NRXN1: variants seen among roughly 807,000 people sequenced by gnomAD.
The protein encoded by NRXN1 is neurexin 1, also known as neurexin-1.
NRXN1 carries 39 observed loss-of-function variants against 150.9 expected under a neutral mutation model. The ratio of observed to expected loss-of-function variants is 0.26; its 90% CI spans 0.20 to 0.34. NRXN1 has a LOEUF of 0.34. Ranked by LOEUF, NRXN1 falls within the 10% of genes least tolerant of loss-of-function variation. The probability of loss-of-function intolerance (pLI) is 1.00; values close to 1 mark genes in which losing one functional copy is unlikely to be tolerated. For missense variants in NRXN1, 1,815 were observed against 1,949.9 expected (o/e 0.93, Z 1.30); for synonymous variants, 924 against 757.0 (o/e 1.22, Z -3.62).
intron 5 of NRXN1, among the ~76,000 whole-genome samples, chr2:50,655,528 C>T (rs762007133): frequency 7.2e-5 from 11 of 151,966 alleles, no homozygotes; most frequent in Non-Finnish European, 1.6e-4. Flanking sequence ...ACAAAGTGAA[C>T]CGAAAGTTTT....
At chr2:50,119,201 T>A (rs963276878) in intron 18 of NRXN1, among the ~76,000 whole-genome samples, 1 of 152,332 alleles carries the variant, frequency 6.6e-6, no homozygotes, top group South Asian at 2.1e-4. Flanking sequence ...TTTGCCAGAA[T>A]GTCTTACCAT....
intron 5 of NRXN1, among the ~76,000 whole-genome samples, chr2:50,794,195 C>A (rs1211451923): frequency 3.3e-5 from 5 of 152,042 alleles, no homozygotes; most frequent in Non-Finnish European, 7.4e-5. Context: ...TTACATCCGA[C>A]TGAAACAGGC....
chr2:49,989,002 C>T (rs896688243), intron 21 of NRXN1, among the ~76,000 whole-genome samples: 4 of 152,286 alleles, frequency 2.6e-5, no homozygotes, highest in Admixed American at 6.5e-5. Flanking sequence ...TTGCCCAGCA[C>T]AATGTGGCAG....
intron 17 of NRXN1, among the ~76,000 whole-genome samples, chr2:50,258,363 G>A (rs1559187190): frequency 6.6e-6 from 1 of 151,960 alleles, no homozygotes; most frequent in Admixed American, 6.6e-5. Flanking sequence ...ATCTTCATCA[G>A]GAGTACATTT....
chr2:50,809,388 A>G (rs1449881395), intron 5 of NRXN1, among the ~76,000 whole-genome samples: 1 of 152,156 alleles, frequency 6.6e-6, no homozygotes, highest in African/African-American at 2.4e-5. Context: ...TTAAAGATTT[A>G]GCATCATATG....
chr2:50,578,581 T>C (rs1295145034), intron 8 of NRXN1, among the ~76,000 whole-genome samples: 1 of 152,192 alleles, frequency 6.6e-6, no homozygotes, highest in Non-Finnish European at 1.5e-5. Flanking sequence ...TTCAGATCCT[T>C]TACTTTTATA....
At chr2:50,826,099 T>C (rs988534833) in intron 5 of NRXN1, among the ~76,000 whole-genome samples, 1 of 152,146 alleles carries the variant, frequency 6.6e-6, no homozygotes, top group Non-Finnish European at 1.5e-5. Context: ...TGATCCATGA[T>C]TGGAGCTGTA....
intron 21 of NRXN1, among the ~76,000 whole-genome samples, chr2:49,970,788 A>G (rs1677812273): frequency 6.6e-6 from 1 of 152,154 alleles, no homozygotes; most frequent in African/African-American, 2.4e-5. Flanking sequence ...TATGTCTTTA[A>G]TAATCTCAAG....
intron 5 of NRXN1, among the ~76,000 whole-genome samples, chr2:50,649,324 G>A (rs1331787517): frequency 7.4e-5 from 11 of 149,048 alleles, no homozygotes; most frequent in African/African-American, 2.5e-4. Flanking sequence ...TACTGAATAC[G>A]CCAGAGCTGT....
chr2:50,396,964 G>A (rs147167675), intron 17 of NRXN1, among the ~76,000 whole-genome samples: 31 of 152,266 alleles, frequency 2.0e-4, no homozygotes, highest in African/African-American at 7.5e-4. Flanking sequence ...GAAACCTAGA[G>A]AGGAGAAGGG....
At chr2:50,594,471 A>C (rs888807603) in intron 8 of NRXN1, among the ~76,000 whole-genome samples, 1 of 152,164 alleles carries the variant, frequency 6.6e-6, no homozygotes, top group African/African-American at 2.4e-5. Context: ...TCATAGAGGA[A>C]GTCATTTGCT....
chr2:50,599,575 T>G (rs1675900723), intron 8 of NRXN1, among the ~76,000 whole-genome samples: 1 of 152,196 alleles, frequency 6.6e-6, no homozygotes, highest in Admixed American at 6.5e-5. Flanking sequence ...GAAAGAGGAC[T>G]TTTAAGTTAA....
chr2:50,654,274 T>C (rs1176851281), intron 5 of NRXN1, among the ~76,000 whole-genome samples: 4 of 122,108 alleles, frequency 3.3e-5, no homozygotes, highest in Admixed American at 8.6e-5. Context: ...TGAGAACATG[T>C]GGTGTTTGGT....
chr2:50,675,779 C>G (rs1359216548), intron 5 of NRXN1, among the ~76,000 whole-genome samples: 1 of 151,914 alleles, frequency 6.6e-6, no homozygotes, highest in African/African-American at 2.4e-5. Flanking sequence ...GTCACAAGAG[C>G]AATAATAAAG....
chr2:50,141,034 A>G (rs147642759), intron 18 of NRXN1, among the ~76,000 whole-genome samples: 2 of 151,528 alleles, frequency 1.3e-5, no homozygotes, highest in African/African-American at 2.4e-5. Context: ...AGGTGTAGAT[A>G]TTTTGAAAGA....
intron 21 of NRXN1, among the ~76,000 whole-genome samples, chr2:50,013,775 C>T (rs1164324898): frequency 6.6e-6 from 1 of 152,102 alleles, no homozygotes; most frequent in African/African-American, 2.4e-5. Flanking sequence ...GCAATTTGGA[C>T]TGATTTCTAA....
At chr2:50,968,292 T>C (rs1694433132) in intron 2 of NRXN1, among the ~76,000 whole-genome samples, 1 of 152,106 alleles carries the variant, frequency 6.6e-6, no homozygotes, top group Non-Finnish European at 1.5e-5. Context: ...TCTACTAATA[T>C]GCCTATTGAT....
chr2:50,187,487 TA>T (rs532574685), intron 18 of NRXN1, among the ~76,000 whole-genome samples: 1 of 151,886 alleles, frequency 6.6e-6, no homozygotes, highest in South Asian at 2.1e-4. Context: ...CCTTTTTCTT[TA>T]AAAAAAATAG....
At chr2:50,525,814 G>T (rs1024779524) in intron 12 of NRXN1, among the ~76,000 whole-genome samples, 15 of 152,136 alleles carry the variant, frequency 9.9e-5, no homozygotes, top group African/African-American at 3.4e-4. Flanking sequence ...TCTTCCCGGG[G>T]GGGAAATGGT....
Sources: gnomAD v4.1 joint callset for allele counts (sites outside exome capture counted in the v4.1 genomes callset) on GRCh38, gnomAD v4.1.1 for gene constraint, MANE v1.5 for transcripts, NCBI Gene and HGNC (gene_info 2026-07-23, HGNC 2026-07-21) for gene names.